FZR1: variants seen among roughly 807,000 people sequenced by gnomAD.
The protein encoded by FZR1 is fizzy-related protein homolog.
Under a neutral mutation model 63.6 loss-of-function variants are expected in FZR1, and 11 were observed. That is an observed-to-expected ratio of 0.17 (90% confidence interval 0.11 to 0.29). FZR1 has a LOEUF of 0.29. Ranked by LOEUF, FZR1 falls within the 10% of genes least tolerant of loss-of-function variation. FZR1 has a pLI of 1.00. For synonymous variants in FZR1, 328 were observed against 297.9 expected, an observed-to-expected ratio of 1.10 and a Z score of -1.04; for missense variants, 440 against 687.5, an observed-to-expected ratio of 0.64 and a Z score of 4.03.
intron 1 of FZR1, among the ~76,000 whole-genome samples, chr19:3,507,933 C>G (rs529878889): frequency 6.6e-6 from 1 of 152,336 alleles, no homozygotes; most frequent in South Asian, 2.1e-4. Flanking sequence ...GAGCAGCGAG[C>G]GGAGTTGGGT....
chr19:3,534,330 G>A (rs45600340), intron 12 of FZR1, 91 bp from the exon 13 acceptor site: 26 of 619,118 alleles, frequency 4.2e-5, no homozygotes, highest in Middle Eastern at 3.2e-4. Flanking sequence ...CCAGCCACCC[G>A]ACACCTTGCT....
chr19:3,527,956 C>T (rs1345923281), intron 7 of FZR1, 142 bp downstream of exon 7: 3 of 579,008 alleles, frequency 5.2e-6, no homozygotes, highest in Non-Finnish European at 8.7e-6. Context: ...CCCAGCCTCC[C>T]AGCCACAGCC....
In FZR1 at chr19:3,530,623, T is replaced by C. The variant is rs372854501; in HGVS notation, c.655-169T>C. On this transcript the variant is annotated intron_variant, in intron 7 of 13. Coordinates refer to ENST00000441788, the MANE Select transcript of FZR1 (RefSeq NM_016263.4). ...TTGAGGGAGTGGATGGGAGAGCAGA[T>C]GGGTGAGTGGATGGAAAAGTGGATG... Among the ~76,000 whole-genome samples the C allele has an allele frequency of 1.3e-4, 20 of 150,936 alleles. No individual in the cohort carries two copies. In the East Asian group the frequency reaches 3.3e-3, roughly 25 times the overall value.
At chr19:3,534,694 C>A in intron 13 of FZR1, 101 bp from the exon 14 acceptor site, 1 of 1,121,308 alleles carries the variant, frequency 8.9e-7, no homozygotes. Flanking sequence ...CTGGCACCTC[C>A]CAGCCCCTCA....
chr19:3,534,589 C>T (rs1367382584), intron 13 of FZR1, 76 bp downstream of exon 13: 9 of 1,028,902 alleles, frequency 8.7e-6, no homozygotes, highest in East Asian at 5.1e-5. Flanking sequence ...CCACTGTCCT[C>T]GGGCGTACCC....
chr19:3,523,226 G>A (rs749502167), intron 2 of FZR1, among the ~76,000 whole-genome samples, 168 bp downstream of exon 2: 6 of 152,290 alleles, frequency 3.9e-5, no homozygotes, highest in South Asian at 2.1e-4. Context: ...CAGGGTTGCC[G>A]CCACCCCCAG....
chr19:3,530,022 ATGGGAGAGTGGATGGGTGAG>A, intron 7 of FZR1, among the ~76,000 whole-genome samples: 1 of 116,198 alleles, frequency 8.6e-6, no homozygotes, highest in African/African-American at 3.5e-5. Flanking sequence ...GGGTGAGTGG[ATGGGAGAGTGGATGGGTGAG>A]CGGATGGGAG....
At chr19:3,522,047 C>G (rs1159531945) in intron 1 of FZR1, among the ~76,000 whole-genome samples, 2 of 152,052 alleles carry the variant, frequency 1.3e-5, no homozygotes, top group Non-Finnish European at 2.9e-5. Flanking sequence ...TGCAGTGATC[C>G]GTGATTGTGC....
intron 1 of FZR1, among the ~76,000 whole-genome samples, chr19:3,521,068 C>A (rs1301257163): frequency 2.0e-5 from 3 of 152,198 alleles, no homozygotes; most frequent in African/African-American, 7.2e-5. Flanking sequence ...GGGTCGTGTT[C>A]TGGCGTGTGG....
At position 3,537,777 on chromosome 19, in the gene FZR1, AGACCTGGCCCATGTG is replaced by A. The variant is rs1373427821; in HGVS notation, c.*2944_*2958del. The A allele has an allele frequency of 1.3e-5, 2 of 152,554 alleles. No homozygotes were observed. Among genetic ancestry groups the A allele is most frequent in the Non-Finnish European group, 2.9e-5 (2 of 68,314 alleles). The allele number at this position is 152,554 out of a possible 1,614,324, so 9.5% of individuals were successfully genotyped here. A position where few individuals can be genotyped will look rare whatever the true frequency, so the allele number is the denominator to read the frequency against. On this transcript the variant is annotated 3_prime_UTR_variant, in exon 14 of 14. Transcript: ENST00000441788. ...GGCATTGGAGATGATGAAACCGAGC[AGACCTGGCCCATGTG>A]GAGCTGGCATGGGGGACACAGCCCA...
intron 1 of FZR1, among the ~76,000 whole-genome samples, chr19:3,521,759 C>T (rs59540309): frequency 0.019 from 2,918 of 152,226 alleles, 85 homozygotes; most frequent in African/African-American, 0.065. Context: ...CTCGGCCTCC[C>T]GAACTGTTGG....
At position 3,526,994 on chromosome 19, in the gene FZR1, C is replaced by G. The variant is rs771104959; in HGVS notation, c.402C>G (p.Thr134=). The stretch of plus-strand genomic sequence containing the variant: ...CCGCTCCACAGTATTCCCTTAGCAC[C>G]AAGCGCTCCAGCCCCGATGACGGCA... ...KKGLFTYSLS[T]KRSSPDDGND... is the part of the protein sequence containing the mutation. Residue 134 remains threonine, a synonymous_variant, in exon 6 of 14, where the codon ACC becomes ACG. Coordinates refer to ENST00000441788, the MANE Select transcript of FZR1 (RefSeq NM_016263.4). The surrounding 1 kb of genome is among the most constrained non-coding windows in gnomAD (Gnocchi z 5.4). The G allele has an allele frequency of 1.2e-6, 2 of 1,611,870 alleles. No individual in the cohort carries two copies. The highest frequency in any genetic ancestry group is 1.7e-6 in the Non-Finnish European group (2 of 1,179,294).
At chr19:3,527,103 C>T (rs2083167699) in intron 6 of FZR1, 41 bp downstream of exon 6, 2 of 1,442,534 alleles carry the variant, frequency 1.4e-6, no homozygotes, top group African/African-American at 1.4e-5. Flanking sequence ...TACTCCCTGT[C>T]TCCCGTCAGC....
intron 1 of FZR1, among the ~76,000 whole-genome samples, chr19:3,510,727 AG>A (rs1469539196): frequency 6.6e-6 from 1 of 152,112 alleles, no homozygotes; most frequent in Non-Finnish European, 1.5e-5. Context: ...GATCCCCCTC[AG>A]GATCCCCCTC....
rs1168171784 is a variant in FZR1, at chr19:3,533,601, C to T, written c.1347+203C>T. 1 of 574,472 alleles carries T rather than the reference C, an allele frequency of 1.7e-6. No individual in the cohort carries two copies. The highest frequency in any genetic ancestry group is 3.1e-6 in the Non-Finnish European group (1 of 321,218). 35.6% of individuals were successfully genotyped at this position (574,472 alleles called of 1,614,324 possible). A position where few individuals can be genotyped will look rare whatever the true frequency, so the allele number is the denominator to read the frequency against. ...ATGGGCTCTACCGAACTCCCCAGCCCTGCAGGTGCAGGCCCTGTCCTCCTG... is the reference window on the plus strand; with the variant it reads ...ATGGGCTCTACCGAACTCCCCAGCCTTGCAGGTGCAGGCCCTGTCCTCCTG... On this transcript the variant is annotated intron_variant, in intron 12 of 13. Transcript: ENST00000441788. This position sits in a 1 kb window ranked among gnomAD's most constrained non-coding sequence, Gnocchi z 4.9.
intron 1 of FZR1, among the ~76,000 whole-genome samples, chr19:3,508,927 C>T (rs1431404785): frequency 1.3e-5 from 2 of 152,232 alleles, no homozygotes; most frequent in African/African-American, 4.8e-5. Context: ...CCCGCTCCGC[C>T]TCCGGCCTGC....
At position 3,532,406 on chromosome 19, in the gene FZR1, C is replaced by A; in HGVS notation, c.1009-11C>A. On this transcript the variant is annotated splice_polypyrimidine_tract_variant and intron_variant, in intron 10 of 13. Transcript: ENST00000441788. ...TGGGACAGCCCCGGCCTCACAGCCC[C>A]TGTCCCCCAGCTGCTGGTCTGGAAT... 1.3e-6 allele frequency: 2 copies of A among 1,585,834 alleles called. No homozygotes were observed. The highest frequency in any genetic ancestry group is 2.3e-5 in the East Asian group (1 of 44,120).
intron 1 of FZR1, among the ~76,000 whole-genome samples, chr19:3,522,131 C>T (rs564878949): frequency 1.7e-4 from 26 of 152,326 alleles, no homozygotes; most frequent in African/African-American, 5.8e-4. Context: ...GACCGGCAGC[C>T]TGTACATGGC....
intron 2 of FZR1, 140 bp downstream of exon 2, chr19:3,523,198 C>T: frequency 1.4e-6 from 1 of 692,674 alleles, no homozygotes; most frequent in South Asian, 1.6e-5. Context: ...CACACGGGGC[C>T]TCCGCCTCCT....
Sources: allele counts gnomAD v4.1 joint callset (sites outside exome capture counted in the v4.1 genomes callset), GRCh38; gene constraint gnomAD v4.1.1; non-coding constraint Gnocchi (gnomAD v3.1); transcripts MANE v1.5; gene names NCBI Gene and HGNC (gene_info 2026-07-23, HGNC 2026-07-21).